The following PRKCI variants were observed in gnomAD, a reference collection of about 807,000 sequenced individuals.
PRKCI encodes protein kinase C iota.
Under a neutral mutation model 84.0 loss-of-function variants are expected in PRKCI, and 43 were observed. The ratio of observed to expected loss-of-function variants is 0.51; its 90% CI spans 0.40 to 0.66. PRKCI has a LOEUF of 0.66. PRKCI is among the 30% of genes least tolerant of loss of function. The pLI is 0.00. For missense variants in PRKCI, 459 were observed against 745.6 expected, an observed-to-expected ratio of 0.62 and a Z score of 4.48; for synonymous variants, 216 against 234.4, an observed-to-expected ratio of 0.92 and a Z score of 0.72.
At chr3:170,233,913 G>A (rs1366781540) in intron 1 of PRKCI, among the ~76,000 whole-genome samples, 1 of 151,448 alleles carries the variant, frequency 6.6e-6, no homozygotes, top group Non-Finnish European at 1.5e-5. Context: ...TAGAGACGGA[G>A]TTTCACTGTG....
At chr3:170,294,733 GAGGC>G (rs1490105051) in intron 14 of PRKCI, among the ~76,000 whole-genome samples, 1 of 152,130 alleles carries the variant, frequency 6.6e-6, no homozygotes, top group Non-Finnish European at 1.5e-5. Flanking sequence ...TGAGGAAACT[GAGGC>G]ATAATTAGGT....
chr3:170,248,857 T>TTC (rs1287446881), intron 2 of PRKCI, among the ~76,000 whole-genome samples: 9 of 151,548 alleles, frequency 5.9e-5, no homozygotes, highest in African/African-American at 2.2e-4. Context: ...TCTTTTCTTT[T>TTC]TTTTTTTTGA....
chr3:170,281,190 A>G lies in PRKCI; in HGVS notation c.907A>G (p.Lys303Glu). The change falls in exon 10 of 18, where the codon AAG (lysine) becomes GAG (glutamate). Residue 303 changes from lysine (K) to glutamate (E), a missense_variant. Coordinates refer to ENST00000295797, the MANE Select transcript of PRKCI (RefSeq NM_002740.6). ...GGATATTGATTGGGTACAGACAGAG[A>G]AGCATGTGTTTGAGCAGGCATCCAA... is the stretch of plus-strand genomic sequence containing the variant. ...DEDIDWVQTE[K>E]HVFEQASNHP... is the part of the protein sequence containing the mutation. The G allele has an allele frequency of 6.2e-7, 1 of 1,613,524 alleles. No individual in the cohort carries two copies. The highest frequency in any genetic ancestry group is 8.5e-7 in the Non-Finnish European group (1 of 1,179,938).
At position 170,305,282 on chromosome 3, in the gene PRKCI, C is replaced by T. The variant is rs1393165861; in HGVS notation, c.*2155C>T. ...CACCTTAGACTTCTTTTGGGGCCTTCGACCTCACTTTGAGAAATACCTTCT... is the reference window on the plus strand; with the variant it reads ...CACCTTAGACTTCTTTTGGGGCCTTTGACCTCACTTTGAGAAATACCTTCT... On this transcript the variant is annotated 3_prime_UTR_variant, in exon 18 of 18. Coordinates refer to ENST00000295797, the MANE Select transcript of PRKCI (RefSeq NM_002740.6). 1 of 152,586 alleles carries T rather than the reference C, an allele frequency of 6.6e-6. No individual in the cohort carries two copies. The highest frequency in any genetic ancestry group is 1.5e-5 in the Non-Finnish European group (1 of 68,028). 9.5% of individuals were successfully genotyped at this position (152,586 alleles called of 1,614,324 possible). A position where few individuals can be genotyped will look rare whatever the true frequency, so the allele number is the denominator to read the frequency against.
intron 3 of PRKCI, among the ~76,000 whole-genome samples, chr3:170,262,099 G>A (rs1274973288): frequency 6.6e-6 from 1 of 151,878 alleles, no homozygotes; most frequent in African/African-American, 2.4e-5. Context: ...GTACATCACA[G>A]ACTAAGAATA....
intron 1 of PRKCI, among the ~76,000 whole-genome samples, chr3:170,227,792 T>C (rs942409489): frequency 2.0e-5 from 3 of 152,176 alleles, no homozygotes; most frequent in African/African-American, 7.2e-5. Flanking sequence ...GAGAAATACA[T>C]GATCAGATTT....
At chr3:170,256,616 C>CT (rs1733587724) in intron 2 of PRKCI, among the ~76,000 whole-genome samples, 1 of 152,060 alleles carries the variant, frequency 6.6e-6, no homozygotes, top group African/African-American at 2.4e-5. Context: ...TCAAAAAAAT[C>CT]AAGTTTACAT....
chr3:170,266,199 T>C (rs890824130), intron 4 of PRKCI, among the ~76,000 whole-genome samples: 7 of 152,180 alleles, frequency 4.6e-5, no homozygotes, highest in Non-Finnish European at 1.0e-4. Context: ...CCTCTTTCTC[T>C]AACTATATTT....
At chr3:170,233,761 T>A (rs1375763789) in intron 1 of PRKCI, among the ~76,000 whole-genome samples, 1 of 152,010 alleles carries the variant, frequency 6.6e-6, no homozygotes, top group Non-Finnish European at 1.5e-5. Context: ...CACTTTATCA[T>A]CCAGGCTGGA....
At position 170,263,426 on chromosome 3, in the gene PRKCI, G is replaced by A. The variant is rs766866155; in HGVS notation, c.361G>A (p.Asp121Asn). The change falls in exon 4 of 18, where the codon GAT becomes AAT. Residue 121 changes from aspartate to asparagine, a missense_variant. Transcript: ENST00000295797. ...ERPGMPCPGEDKSIYRRGARR... is the reference protein window; with the variant it reads ...ERPGMPCPGENKSIYRRGARR... ...TCCTGGGATGCCTTGTCCAGGAGAA[G>A]ATAGTGAGTGTTTATATACTTCATA... 6.3e-7 allele frequency: 1 copy of A among 1,589,558 alleles called. No individual in the cohort carries two copies. The highest frequency in any genetic ancestry group is 8.6e-7 in the Non-Finnish European group (1 of 1,157,818).
chr3:170,278,641 A>G (rs1282731986), intron 8 of PRKCI, among the ~76,000 whole-genome samples: 2 of 152,196 alleles, frequency 1.3e-5, no homozygotes, highest in East Asian at 3.8e-4. Flanking sequence ...GGGTGACAGA[A>G]CAAGACCTTT....
intron 4 of PRKCI, among the ~76,000 whole-genome samples, chr3:170,266,289 T>A (rs1025833247): frequency 5.9e-5 from 9 of 152,158 alleles, no homozygotes; most frequent in African/African-American, 2.2e-4. Context: ...AATATCACTT[T>A]ACAGATTAGT....
At chr3:170,239,568 G>C (rs1798232) in intron 2 of PRKCI, among the ~76,000 whole-genome samples, 1 of 152,076 alleles carries the variant, frequency 6.6e-6, no homozygotes, top group African/African-American at 2.4e-5. Context: ...TCCATTAAAC[G>C]TTTTTATAAT....
intron 2 of PRKCI, among the ~76,000 whole-genome samples, chr3:170,254,564 T>G (rs1002697957): frequency 6.9e-6 from 1 of 145,884 alleles, no homozygotes; most frequent in Non-Finnish European, 1.5e-5. Context: ...ATTGACAGTC[T>G]TATTTATTGA....
chr3:170,291,672 G>A, intron 12 of PRKCI, 182 bp from the exon 13 acceptor site: 1 of 510,218 alleles, frequency 2.0e-6, no homozygotes, highest in African/African-American at 1.9e-5. Context: ...ATGCCAGCCT[G>A]GGCGACAGAG....
intron 8 of PRKCI, among the ~76,000 whole-genome samples, chr3:170,278,531 C>T (rs1734172029): frequency 6.6e-6 from 1 of 152,212 alleles, no homozygotes; most frequent in South Asian, 2.1e-4. Flanking sequence ...AGGCACATGC[C>T]TGTAGCCCCA....
intron 2 of PRKCI, among the ~76,000 whole-genome samples, chr3:170,251,802 C>T (rs1487376576): frequency 6.6e-6 from 1 of 151,578 alleles, no homozygotes. Context: ...CCTAGCTACT[C>T]AGGAGGCTGA....
Position 170,267,675 on chromosome 3 carries a change from C to CAAA in PRKCI, c.365-222_365-220dup, listed in dbSNP as rs1169448041. 2.5e-3 allele frequency among the ~76,000 whole-genome samples: 134 copies of CAAA among 52,904 alleles called. 5 individuals carry two copies. Among genetic ancestry groups the CAAA allele is most frequent in the African/African-American group, 6.9e-3 (108 of 15,638 alleles). 34.7% of individuals were successfully genotyped at this position (52,904 alleles called of 152,430 possible). On this transcript the variant is annotated intron_variant, in intron 4 of 17. Transcript: ENST00000295797. The stretch of plus-strand genomic sequence containing the variant: ...GTGACAGAGCAAGACTCCATCTCAC[C>CAAA]AAAAAAAAAAAAAAAAAAAAGGACA...
intron 4 of PRKCI, 31 bp downstream of exon 4, chr3:170,263,460 A>C: frequency 6.6e-7 from 1 of 1,521,524 alleles, no homozygotes; most frequent in Non-Finnish European, 9.1e-7. Context: ...TACCTTTTAC[A>C]AGAGTTACTA....
Sources: allele counts gnomAD v4.1 joint callset (sites outside exome capture counted in the v4.1 genomes callset), GRCh38; gene constraint gnomAD v4.1.1; transcripts MANE v1.5; gene names NCBI Gene and HGNC (gene_info 2026-07-23, HGNC 2026-07-21).